The following MRC1 variants were observed in gnomAD, a reference collection of about 807,000 sequenced individuals.
MRC1 encodes the protein mannose receptor C-type 1.
MRC1 carries 62 observed loss-of-function variants against 102.9 expected under a neutral mutation model. That is an observed-to-expected ratio of 0.60 (90% CI 0.49 to 0.74). The LOEUF is 0.74. Among genes scored for constraint, MRC1 ranks in the 30% least tolerant of loss-of-function variants. The probability of loss-of-function intolerance (pLI) is 0.00; values close to 1 mark genes in which losing one functional copy is unlikely to be tolerated. For synonymous variants in MRC1, 457 were observed against 298.4 expected (o/e 1.53, Z -5.48); for missense variants, 1,237 against 862.8 (o/e 1.43, Z -5.43).
At chr10:17,871,105 C>T (rs953589481) in intron 14 of MRC1, among the ~76,000 whole-genome samples, 170 bp downstream of exon 14, 2 of 151,958 alleles carry the variant, frequency 1.3e-5, no homozygotes, top group African/African-American at 2.4e-5. Context: ...GTGTTTTATA[C>T]CCTCTTTTAG....
At chr10:17,860,686 T>A (rs1833171447) in intron 9 of MRC1, among the ~76,000 whole-genome samples, 1 of 152,220 alleles carries the variant, frequency 6.6e-6, no homozygotes, top group East Asian at 1.9e-4. Flanking sequence ...TATACCCACC[T>A]TCTAGTATTG....
At chr10:17,832,748 C>T (rs1203020543) in intron 3 of MRC1, among the ~76,000 whole-genome samples, 7 of 151,008 alleles carry the variant, frequency 4.6e-5, no homozygotes, top group Middle Eastern at 6.8e-3. Context: ...CCACCACGCC[C>T]GGCTAATTTT....
At chr10:17,881,327 C>T (rs1266964581) in intron 21 of MRC1, 146 bp downstream of exon 21, 4 of 656,414 alleles carry the variant, frequency 6.1e-6, no homozygotes, top group Admixed American at 2.8e-5. Context: ...TTATTGAAAA[C>T]TATTTTATTC....
At chr10:17,876,437 A>G (rs1407781057) in intron 17 of MRC1, among the ~76,000 whole-genome samples, 4 of 151,892 alleles carry the variant, frequency 2.6e-5, no homozygotes, top group African/African-American at 4.8e-5. Context: ...TAGTAGAGAC[A>G]GGGTTTCACC....
At chr10:17,901,340 A>G (rs1321125895) in intron 25 of MRC1, among the ~76,000 whole-genome samples, 2 of 152,232 alleles carry the variant, frequency 1.3e-5, no homozygotes, top group African/African-American at 4.8e-5. Context: ...AAAGGAAAAC[A>G]GTGACTTAAA....
At position 17,898,237 on chromosome 10, in the gene MRC1, C is replaced by T. The variant is rs983514512; in HGVS notation, c.3454C>T (p.Arg1152Cys). Residue 1152 changes from arginine to cysteine, a missense_variant, in exon 24 of 30, where the codon CGT becomes TGT. Transcript: ENST00000569591. ...GCTGCAGATGGAAACATCTAATGAA[C>T]GTGTGTGGATCGCCCTGAACAGTAA... ...AWLQMETSNE[R>C]VWIALNSNLT... The T allele has an allele frequency of 1.0e-5, 8 of 780,632 alleles. No individual in the cohort carries two copies. The highest frequency in any genetic ancestry group is 9.7e-5 in the East Asian group (4 of 41,270). 48.4% of individuals were successfully genotyped at this position (780,632 alleles called of 1,614,324 possible).
At chr10:17,846,113 G>A (rs1838821805) in intron 6 of MRC1, among the ~76,000 whole-genome samples, 1 of 151,974 alleles carries the variant, frequency 6.6e-6, no homozygotes, top group Non-Finnish European at 1.5e-5. Flanking sequence ...TCGCTGTGTT[G>A]GCCAGGCTTG....
rs1360378804 is a variant in MRC1, at chr10:17,830,651, C to G, written c.637+2936C>G. On this transcript the variant is annotated intron_variant, in intron 3 of 29. Coordinates refer to ENST00000569591, the MANE Select transcript of MRC1 (RefSeq NM_002438.4). ...CAGTTCTCTGTAGCAAGTTTAGCTTCCAGCATCAGTTGTGTTGGTTTACTG... is the reference window on the plus strand; with the variant it reads ...CAGTTCTCTGTAGCAAGTTTAGCTTGCAGCATCAGTTGTGTTGGTTTACTG... Among the ~76,000 whole-genome samples the G allele has an allele frequency of 2.6e-5, 4 of 151,364 alleles. No individual in the cohort carries two copies. In the East Asian group the frequency reaches 7.7e-4, roughly 29 times the overall value.
chr10:17,815,530 C>T (rs1437613709), intron 1 of MRC1, among the ~76,000 whole-genome samples: 7 of 152,080 alleles, frequency 4.6e-5, no homozygotes, highest in East Asian at 1.9e-4. Flanking sequence ...ACAGGTAGGG[C>T]GGTCAGCAGG....
intron 4 of MRC1, among the ~76,000 whole-genome samples, chr10:17,836,048 G>T (rs2130617132): frequency 6.6e-6 from 1 of 152,324 alleles, no homozygotes; most frequent in South Asian, 2.1e-4. Flanking sequence ...TGAAACTGGG[G>T]GAGCTTGTGG....
At chr10:17,850,682 T>TTCC (rs1838901344) in intron 7 of MRC1, among the ~76,000 whole-genome samples, 1 of 152,110 alleles carries the variant, frequency 6.6e-6, no homozygotes. Context: ...TGCTCTTCAT[T>TTCC]TCCCCCCAGC....
chr10:17,829,229 C>T (rs1200395290), intron 3 of MRC1, among the ~76,000 whole-genome samples: 2 of 151,542 alleles, frequency 1.3e-5, no homozygotes, highest in Non-Finnish European at 2.9e-5. Flanking sequence ...CAAGTAATCA[C>T]ACTATTTCAA....
intron 6 of MRC1, among the ~76,000 whole-genome samples, chr10:17,848,888 G>C (rs1399152658): frequency 1.3e-5 from 2 of 152,080 alleles, no homozygotes; most frequent in Admixed American, 6.6e-5. Flanking sequence ...AGGCTCCTTG[G>C]AGACCGTTTG....
chr10:17,849,559 AC>A lies in MRC1; in HGVS notation c.1064-14del, dbSNP rs781984978. On this transcript the variant is annotated intron_variant, in intron 6 of 29. Transcript: ENST00000569591. ...TCAAATCTTTTAAAATTTTTTTCCG[AC>A]CCCCCTTTTTGTTTCTAGAAAGTGA... 1.2e-5 allele frequency: 9 copies of A among 774,142 alleles called. No individual in the cohort carries two copies. Among genetic ancestry groups the A allele is most frequent in the Non-Finnish European group, 2.2e-5 (9 of 415,476 alleles). 48.0% of individuals were successfully genotyped at this position (774,142 alleles called of 1,614,324 possible).
At chr10:17,850,924 G>A (rs1425669660) in intron 7 of MRC1, among the ~76,000 whole-genome samples, 7 of 152,284 alleles carry the variant, frequency 4.6e-5, no homozygotes, top group East Asian at 3.8e-4. Flanking sequence ...CTTAGGCCAC[G>A]AGAATAGCCC....
At chr10:17,843,107 A>G (rs1022361646) in intron 5 of MRC1, among the ~76,000 whole-genome samples, 82 of 152,380 alleles carry the variant, frequency 5.4e-4, no homozygotes, top group African/African-American at 1.9e-3. Flanking sequence ...TATAATAACT[A>G]TGGTAAACAT....
At position 17,875,156 on chromosome 10, in the gene MRC1, A is replaced by G. The variant is rs1833412033; in HGVS notation, c.2453A>G (p.Lys818Arg). 11 of 780,788 alleles carry G rather than the reference A, an allele frequency of 1.4e-5. No homozygotes were observed. The highest frequency in any genetic ancestry group is 1.3e-4 in the South Asian group (10 of 74,620). The allele number at this position is 780,788 out of a possible 1,614,324, so 48.4% of individuals were successfully genotyped here. A position where few individuals can be genotyped will look rare whatever the true frequency, so the allele number is the denominator to read the frequency against. ...TACCAGTATTATTTCAGCAAAGAGA[A>G]GGAAACCATGGACAATGCGCGAGCG... ...KDYQYYFSKE[K>R]ETMDNARAFC... The change falls in exon 17 of 30, where the codon AAG becomes AGG. Residue 818 changes from lysine to arginine, a missense_variant. Coordinates refer to ENST00000569591, the MANE Select transcript of MRC1 (RefSeq NM_002438.4).
At chr10:17,874,593 G>A (rs1375784419) in intron 16 of MRC1, among the ~76,000 whole-genome samples, 2 of 152,164 alleles carry the variant, frequency 1.3e-5, no homozygotes, top group Admixed American at 1.3e-4. Context: ...TAGCACGGAA[G>A]TATGGAATTC....
intron 14 of MRC1, among the ~76,000 whole-genome samples, chr10:17,871,333 G>T (rs1833351819): frequency 6.6e-6 from 1 of 152,144 alleles, no homozygotes; most frequent in Non-Finnish European, 1.5e-5. Flanking sequence ...ACTTGAGTGA[G>T]GTGGTTTATT....
Sources: gnomAD v4.1 joint callset for allele counts (sites outside exome capture counted in the v4.1 genomes callset) on GRCh38, gnomAD v4.1.1 for gene constraint, MANE v1.5 for transcripts, NCBI Gene and HGNC (gene_info 2026-07-23, HGNC 2026-07-21) for gene names.